Variants in SLC16A2 observed in about 807,000 individuals in gnomAD.
SLC16A2 encodes the protein monocarboxylate transporter 8.
A neutral mutation model predicts 27.2 loss-of-function variants in SLC16A2; 3 were observed. The observed-to-expected ratio is 0.11, with a 90% CI of 0.05 to 0.28. The LOEUF (loss-of-function observed/expected upper bound fraction) is 0.28, where lower values mean the gene tolerates loss of function less well. SLC16A2 is among the 10% of genes least tolerant of loss of function. The pLI, the probability that SLC16A2 is intolerant of heterozygous loss-of-function variation, is 1.00. For synonymous variants in SLC16A2, 202 were observed against 187.8 expected (o/e 1.08, Z -0.62); for missense variants, 295 against 458.5 (o/e 0.64, Z 3.26).
At chrX:74,423,601 C>T (rs1928352918) in intron 1 of SLC16A2, among the ~76,000 whole-genome samples, 1 of 111,820 alleles carries the variant, frequency 8.9e-6, no homozygotes, top group African/African-American at 3.3e-5. Context: ...CTCTTGACTA[C>T]CCAGGCCCAC....
At chrX:74,478,141 T>C (rs904926661) in intron 1 of SLC16A2, among the ~76,000 whole-genome samples, 7 of 111,961 alleles carry the variant, frequency 6.3e-5, no homozygotes, top group African/African-American at 2.3e-4. Flanking sequence ...TGTAGGTCTC[T>C]AAGGACTTGC....
At chrX:74,479,956 G>T (rs762474920) in intron 1 of SLC16A2, among the ~76,000 whole-genome samples, 4 of 112,316 alleles carry the variant, frequency 3.6e-5, no homozygotes, top group Admixed American at 2.8e-4. Context: ...GATGCAGTCT[G>T]TCCATTCTCA....
At chrX:74,494,094 GT>G (rs1929889165) in intron 1 of SLC16A2, among the ~76,000 whole-genome samples, 1 of 112,226 alleles carries the variant, frequency 8.9e-6, no homozygotes, top group Admixed American at 9.4e-5. Context: ...AAATGAGGGG[GT>G]GCAGTTGCTG....
At chrX:74,482,293 C>T (rs1463200859) in intron 1 of SLC16A2, among the ~76,000 whole-genome samples, 5 of 111,530 alleles carry the variant, frequency 4.5e-5, no homozygotes, top group African/African-American at 1.6e-4. Context: ...TGTGTTTATC[C>T]TATTTGTTAT....
At chrX:74,429,287 G>T (rs369282597) in intron 1 of SLC16A2, among the ~76,000 whole-genome samples, 7 of 111,321 alleles carry the variant, frequency 6.3e-5, no homozygotes, top group African/African-American at 2.3e-4. Flanking sequence ...GGGCAACATA[G>T]GGATACCCCG....
intron 1 of SLC16A2, among the ~76,000 whole-genome samples, chrX:74,455,055 A>G (rs761374702): frequency 6.4e-4 from 72 of 112,233 alleles, no homozygotes; most frequent in African/African-American, 2.1e-3. Flanking sequence ...TCAGATGTAC[A>G]ATTCTATAAT....
At chrX:74,488,607 T>C (rs1210414606) in intron 1 of SLC16A2, among the ~76,000 whole-genome samples, 4 of 111,585 alleles carry the variant, frequency 3.6e-5, no homozygotes, top group Non-Finnish European at 7.6e-5. Context: ...ATACAACCCT[T>C]TTTTTTAAAC....
chrX:74,523,768 G>C (rs931863274), intron 2 of SLC16A2, among the ~76,000 whole-genome samples: 7 of 112,242 alleles, frequency 6.2e-5, no homozygotes, highest in Non-Finnish European at 1.3e-4. Flanking sequence ...CTAGTGTAAA[G>C]GGACTTGGGA....
At chrX:74,434,528 A>G (rs1928587089) in intron 1 of SLC16A2, among the ~76,000 whole-genome samples, 1 of 110,910 alleles carries the variant, frequency 9.0e-6, no homozygotes, top group African/African-American at 3.3e-5. Flanking sequence ...ATTTGGGGAA[A>G]AGGACACGGG....
At chrX:74,470,931 C>T (rs1260112667) in intron 1 of SLC16A2, among the ~76,000 whole-genome samples, 1 of 110,610 alleles carries the variant, frequency 9.0e-6, no homozygotes, top group Non-Finnish European at 1.9e-5. Context: ...GAGCGAGACT[C>T]CGTCTCAAAA....
intron 1 of SLC16A2, among the ~76,000 whole-genome samples, chrX:74,455,088 CA>C (rs983952751): frequency 8.9e-6 from 1 of 111,936 alleles, no homozygotes; most frequent in Non-Finnish European, 1.9e-5. Flanking sequence ...TGTACTTGTG[CA>C]AATTACTTAA....
At chrX:74,474,655 G>C (rs1218960165) in intron 1 of SLC16A2, among the ~76,000 whole-genome samples, 2 of 109,845 alleles carry the variant, frequency 1.8e-5, no homozygotes, top group Non-Finnish European at 3.8e-5. Flanking sequence ...ACAGGCCCTG[G>C]TGTGTGATGT....
chrX:74,456,393 G>A (rs1929041532), intron 1 of SLC16A2, among the ~76,000 whole-genome samples: 1 of 111,298 alleles, frequency 9.0e-6, no homozygotes, highest in African/African-American at 3.3e-5. Context: ...GCCCAGGGGA[G>A]ATAAAAAGAA....
rs1180101762 is a variant in SLC16A2 at position 74,429,409 on chromosome X, T to A, written c.430+7342T>A. ...ATCTCTTGAGCCAAGGCGGTTGACG[T>A]TGCAATGAGCCATGATCACACCACT... On this transcript the variant is annotated intron_variant, in intron 1 of 5. Transcript: ENST00000587091. Among the ~76,000 whole-genome samples the A allele has an allele frequency of 4.2e-4, 46 of 108,503 alleles. No individual in the cohort carries two copies. In the Admixed American group the frequency reaches 4.5e-3, roughly 11 times the overall value. 94.2% of individuals were successfully genotyped at this position (108,503 alleles called of 115,157 possible).
chrX:74,533,551 G>A lies in SLC16A2; in HGVS notation c.*1998G>A, dbSNP rs1184391129. On this transcript the variant is annotated 3_prime_UTR_variant, in exon 6 of 6. Coordinates refer to ENST00000587091, the MANE Select transcript of SLC16A2 (RefSeq NM_006517.5). ...ACCTCACTCTCACCAAGTCACCAGA[G>A]GGTGGTTCTGTAGGACCTCTTTTGT... The A allele has an allele frequency of 2.7e-5, 3 of 112,544 alleles. No individual in the cohort carries two copies. The highest frequency in any genetic ancestry group is 5.6e-5 in the Non-Finnish European group (3 of 53,272). 9.3% of individuals were successfully genotyped at this position (112,544 alleles called of 1,213,427 possible). A position where few individuals can be genotyped will look rare whatever the true frequency, so the allele number is the denominator to read the frequency against.
At chrX:74,433,610 C>T (rs1261340073) in intron 1 of SLC16A2, among the ~76,000 whole-genome samples, 1 of 111,564 alleles carries the variant, frequency 9.0e-6, no homozygotes, top group Non-Finnish European at 1.9e-5. Flanking sequence ...GTGGTATGCC[C>T]TACTTGTAAA....
In SLC16A2 at chrX:74,434,927, G is replaced by A. The variant is rs192112368; in HGVS notation, c.430+12860G>A. 6.2e-3 allele frequency among the ~76,000 whole-genome samples: 658 copies of A among 106,719 alleles called. 8 individuals carry two copies. Among genetic ancestry groups the A allele is most frequent in the African/African-American group, 0.021 (620 of 29,010 alleles). 92.7% of individuals were successfully genotyped at this position (106,719 alleles called of 115,157 possible). A position where few individuals can be genotyped will look rare whatever the true frequency, so the allele number is the denominator to read the frequency against. ...CAACCTCCGCCTCCCAGGTTCAAGC[G>A]ATTCTCCTGCCCCAGCCTCCCAAGT... On this transcript the variant is annotated intron_variant, in intron 1 of 5. Transcript: ENST00000587091.
chrX:74,427,131 C>T (rs990846015), intron 1 of SLC16A2, among the ~76,000 whole-genome samples: 6 of 112,301 alleles, frequency 5.3e-5, no homozygotes, highest in African/African-American at 1.9e-4. Flanking sequence ...TTCCTCAAGC[C>T]TCAGTTTGGA....
chrX:74,529,100 C>A, intron 4 of SLC16A2, 113 bp from the exon 5 acceptor site: 1 of 538,230 alleles, frequency 1.9e-6, no homozygotes, highest in Non-Finnish European at 3.1e-6. Flanking sequence ...CACCTTCCCC[C>A]TCCCACCACC....
Sources: allele counts gnomAD v4.1 joint callset (sites outside exome capture counted in the v4.1 genomes callset), GRCh38; gene constraint gnomAD v4.1.1; transcripts MANE v1.5; gene names NCBI Gene and HGNC (gene_info 2026-07-23, HGNC 2026-07-21).